The following BPI variants were observed in gnomAD, a reference collection of about 807,000 sequenced individuals.
BPI encodes bactericidal permeability increasing protein.
A neutral mutation model predicts 57.6 loss-of-function variants in BPI; 48 were observed. That is an observed-to-expected ratio of 0.83 (90% CI 0.66 to 1.06). BPI has a LOEUF of 1.06. Among genes scored for constraint, BPI ranks in the 50% least tolerant of loss-of-function variants. BPI has a pLI of 0.00. For missense variants in BPI, 651 were observed against 609.7 expected (o/e 1.07, Z -0.71); for synonymous variants, 237 against 238.2 (o/e 0.99, Z 0.05).
Position 38,309,075 on chromosome 20 carries a change from G to C in BPI, c.374+17G>C, listed in dbSNP as rs1299432251. ...GAGATTCTTGTGCGTTTCCATGCTTGCGGTTTGTTGGGTGTGCTCTTGGTG... is the reference window on the plus strand; with the variant it reads ...GAGATTCTTGTGCGTTTCCATGCTTCCGGTTTGTTGGGTGTGCTCTTGGTG... On this transcript the variant is annotated intron_variant, in intron 3 of 14. Coordinates refer to ENST00000642449, the MANE Select transcript of BPI (RefSeq NM_001725.3). 1.9e-6 allele frequency: 3 copies of C among 1,613,820 alleles called. No homozygotes were observed. In the Admixed American group the frequency reaches 5.0e-5, roughly 27 times the overall value.
intron 8 of BPI, 66 bp downstream of exon 8, chr20:38,324,112 CAAATCTGGAAAAAGCTTT>C: frequency 2.0e-6 from 3 of 1,535,928 alleles, no homozygotes; most frequent in African/African-American, 1.4e-5. Flanking sequence ...ACCTTCCAGA[CAAATCTGGAAAAAGCTTT>C]TCTCACATTG....
At chr20:38,322,096 CA>C (rs1897444818) in intron 7 of BPI, among the ~76,000 whole-genome samples, 1 of 152,226 alleles carries the variant, frequency 6.6e-6, no homozygotes, top group Admixed American at 6.5e-5. Flanking sequence ...TGTCCTCTTG[CA>C]GCCCTTTACT....
intron 11 of BPI, 86 bp downstream of exon 11, chr20:38,327,741 C>G (rs1600711309): frequency 6.8e-7 from 1 of 1,462,794 alleles, no homozygotes; most frequent in East Asian, 2.3e-5. Context: ...TATACAGAAG[C>G]ACTGCATTGT....
intron 12 of BPI, among the ~76,000 whole-genome samples, chr20:38,333,020 C>G (rs1268176103): frequency 6.6e-6 from 1 of 152,032 alleles, no homozygotes; most frequent in Non-Finnish European, 1.5e-5. Context: ...CCGAGATGCC[C>G]CCAAGTTCCC....
At chr20:38,317,820 T>C in intron 5 of BPI, 1 of 1,510,418 alleles carries the variant, frequency 6.6e-7, no homozygotes. Context: ...AAAGTCAGTG[T>C]GTGGCCCAAG....
intron 4 of BPI, among the ~76,000 whole-genome samples, chr20:38,311,511 T>G: frequency 6.6e-6 from 1 of 151,472 alleles, no homozygotes; most frequent in African/African-American, 2.4e-5. Flanking sequence ...GTTAGGGAGG[T>G]GTTGGGGAGG....
intron 10 of BPI, 130 bp from the exon 11 acceptor site, chr20:38,327,458 C>T (rs755214706): frequency 2.2e-6 from 2 of 923,748 alleles, no homozygotes; most frequent in Non-Finnish European, 3.3e-6. Context: ...ACTCCTCTGG[C>T]TCTGTGGGCC....
At position 38,327,795 on chromosome 20, in the gene BPI, C is replaced by T. The variant is rs5743530; in HGVS notation, c.1229+140C>T. ...TCACATTAAAACCTCAAAGAGTGTG[C>T]GATGGCCACAGTATCCCCATTTTGC... On this transcript the variant is annotated intron_variant, in intron 11 of 14. Coordinates refer to ENST00000642449, the MANE Select transcript of BPI (RefSeq NM_001725.3). The T allele has an allele frequency of 0.042, 41,294 of 978,488 alleles. 4,831 individuals carry two copies. In the East Asian group the frequency reaches 0.45, roughly 11 times the overall value. 60.6% of individuals were successfully genotyped at this position (978,488 alleles called of 1,614,324 possible).
intron 13 of BPI, 54 bp from the exon 14 acceptor site, chr20:38,335,544 C>G (rs1017801781): frequency 2.5e-5 from 38 of 1,536,554 alleles, no homozygotes; most frequent in Non-Finnish European, 3.4e-5. Flanking sequence ...CCTCCCTCCT[C>G]CCCTGCCCTT....
chr20:38,313,297 C>A (rs924236462), intron 5 of BPI, among the ~76,000 whole-genome samples: 1 of 144,176 alleles, frequency 6.9e-6, no homozygotes, highest in African/African-American at 2.6e-5. Flanking sequence ...GCAGGAGAAT[C>A]GCTTGAACTT....
chr20:38,305,094 ACACC>A (rs1255119610), intron 1 of BPI, among the ~76,000 whole-genome samples: 1 of 152,208 alleles, frequency 6.6e-6, no homozygotes, highest in African/African-American at 2.4e-5. Flanking sequence ...ACAGTGGGTG[ACACC>A]CAGCCCCAGG....
At chr20:38,318,025 T>A in intron 5 of BPI, 1 of 985,134 alleles carries the variant, frequency 1.0e-6, no homozygotes, top group Non-Finnish European at 1.2e-6. Flanking sequence ...GGCTGGCCAT[T>A]GACTACCTCG....
At chr20:38,335,476 T>A (rs902188743) in intron 13 of BPI, 122 bp from the exon 14 acceptor site, 13 of 854,698 alleles carry the variant, frequency 1.5e-5, no homozygotes, top group Non-Finnish European at 2.1e-5. Context: ...CCCATGCCAG[T>A]CCCTACCTAG....
At chr20:38,335,716 G>C in intron 14 of BPI, 42 bp downstream of exon 14, 1 of 1,581,576 alleles carries the variant, frequency 6.3e-7, no homozygotes, top group Non-Finnish European at 8.7e-7. Flanking sequence ...CCTAACGATA[G>C]TGACCAACAG....
rs1385957706 is a variant in BPI at position 38,324,774 on chromosome 20, A to T, written c.934A>T (p.Ile312Phe). The change falls in exon 9 of 15, where the codon ATT becomes TTT. Residue 312 changes from isoleucine (I) to phenylalanine (F), a missense_variant and splice_region_variant. Ile to Phe is a conservative substitution (Grantham distance 21). Transcript: ENST00000642449. ...VLKMTLRDDM[I>F]PKESKFRLTT... ...ATCCTTTTCTCATCTCTTGCTACAG[A>T]TTCCAAAGGAGTCCAAATTTCGACT... is the stretch of plus-strand genomic sequence containing the variant. 5 of 1,611,012 alleles carry T rather than the reference A, an allele frequency of 3.1e-6. No homozygotes were observed. Among genetic ancestry groups the T allele is most frequent in the Non-Finnish European group, 4.2e-6 (5 of 1,177,190 alleles).
intron 13 of BPI, 92 bp downstream of exon 13, chr20:38,334,585 A>G: frequency 7.7e-7 from 1 of 1,304,786 alleles, no homozygotes; most frequent in Non-Finnish European, 1.1e-6. Flanking sequence ...GGCCCCAGGT[A>G]TGAGGGCTGG....
chr20:38,325,058 T>C (rs1600709279), intron 9 of BPI, among the ~76,000 whole-genome samples: 1 of 151,758 alleles, frequency 6.6e-6, no homozygotes, highest in South Asian at 2.1e-4. Context: ...GGAGGGAGGG[T>C]CTTTCATGCA....
At chr20:38,317,650 C>A in intron 5 of BPI, 1 of 743,416 alleles carries the variant, frequency 1.3e-6, no homozygotes, top group South Asian at 1.5e-5. Context: ...GTCGGCAAGC[C>A]CAGATTCTAG....
At chr20:38,313,596 C>A (rs1384831987) in intron 5 of BPI, among the ~76,000 whole-genome samples, 1 of 152,162 alleles carries the variant, frequency 6.6e-6, no homozygotes, top group African/African-American at 2.4e-5. Flanking sequence ...ATGATTATTT[C>A]TTAGTACCAT....
Sources: gnomAD v4.1 joint callset for allele counts (sites outside exome capture counted in the v4.1 genomes callset) on GRCh38, gnomAD v4.1.1 for gene constraint, MANE v1.5 for transcripts, NCBI Gene and HGNC (gene_info 2026-07-23, HGNC 2026-07-21) for gene names.